SCIN: variants seen among roughly 807,000 people sequenced by gnomAD.
SCIN encodes scinderin, also known as adseverin.
Under a neutral mutation model 91.8 loss-of-function variants are expected in SCIN, and 91 were observed. That is an observed-to-expected ratio of 0.99 (90% CI 0.84 to 1.18). The LOEUF is 1.18. Ranked by LOEUF, SCIN falls within the 50% of genes most tolerant of loss-of-function variation. The pLI, the probability that SCIN is intolerant of heterozygous loss-of-function variation, is 0.00. For synonymous variants in SCIN, 367 were observed against 312.6 expected (o/e 1.17, Z -1.84); for missense variants, 1,087 against 863.9 (o/e 1.26, Z -3.24).
intron 9 of SCIN, among the ~76,000 whole-genome samples, chr7:12,630,128 G>C (rs1281688792): frequency 6.6e-6 from 1 of 151,778 alleles, no homozygotes; most frequent in African/African-American, 2.4e-5. Context: ...ATTTCTTTTT[G>C]GTGAACCTCA....
chr7:12,622,996 C>T (rs1783441590), intron 5 of SCIN, 103 bp downstream of exon 5: 1 of 665,684 alleles, frequency 1.5e-6, no homozygotes, highest in Non-Finnish European at 2.6e-6. Context: ...GAACTCTCCT[C>T]ATTGCTCTCC....
rs756901096 is a variant in SCIN at position 12,652,743 on chromosome 7, A to G, written c.*28A>G. Reference sequence around the variant, plus strand: ...TGGTATTTGTAAAAAGCAAACAAACATTACAAGGCAGTTATCTCATTGCTG... The same window carrying G: ...TGGTATTTGTAAAAAGCAAACAAACGTTACAAGGCAGTTATCTCATTGCTG... On this transcript the variant is annotated 3_prime_UTR_variant, in exon 16 of 16. Coordinates refer to ENST00000297029, the MANE Select transcript of SCIN (RefSeq NM_001112706.3). 3 of 1,590,424 alleles carry G rather than the reference A, an allele frequency of 1.9e-6. No homozygotes were observed. Among genetic ancestry groups the G allele is most frequent in the Non-Finnish European group, 8.5e-7 (1 of 1,173,280 alleles).
chr7:12,605,239 CGCAGG>C (rs908116052), intron 4 of SCIN, among the ~76,000 whole-genome samples: 1 of 151,990 alleles, frequency 6.6e-6, no homozygotes, highest in African/African-American at 2.4e-5. Flanking sequence ...TTTTGGTAGA[CGCAGG>C]GCTTCACCAT....
chr7:12,576,928 T>A (rs1287234928), intron 1 of SCIN, among the ~76,000 whole-genome samples: 1 of 152,200 alleles, frequency 6.6e-6, no homozygotes, highest in East Asian at 1.9e-4. Context: ...CATTTAAGAT[T>A]TTTATTACAG....
At chr7:12,626,493 C>T (rs1246640003) in intron 7 of SCIN, 91 bp from the exon 8 acceptor site, 33 of 1,021,744 alleles carry the variant, frequency 3.2e-5, no homozygotes, top group South Asian at 1.1e-4. Context: ...GATAATTTTC[C>T]ATTTCCTTAC....
intron 3 of SCIN, among the ~76,000 whole-genome samples, chr7:12,597,701 T>A (rs554283664): frequency 2.2e-4 from 34 of 152,246 alleles, no homozygotes; most frequent in Non-Finnish European, 4.0e-4. Flanking sequence ...TCTATAAATA[T>A]AACTTGCTTG....
At chr7:12,619,077 CCT>C (rs566537290) in intron 4 of SCIN, among the ~76,000 whole-genome samples, 3 of 152,058 alleles carry the variant, frequency 2.0e-5, no homozygotes, top group Non-Finnish European at 4.4e-5. Flanking sequence ...ACAGGTTCTG[CCT>C]CTCTCTCAGA....
In SCIN at chr7:12,657,293, T is replaced by A. The variant is rs1208841979; in HGVS notation, c.*4578T>A. The A allele has an allele frequency of 7.0e-6, 1 of 142,126 alleles. No homozygotes were observed. The highest frequency in any genetic ancestry group is 7.4e-5 in the Admixed American group (1 of 13,444). The allele number at this position is 142,126 out of a possible 1,614,324, so 8.8% of individuals were successfully genotyped here. On this transcript the variant is annotated 3_prime_UTR_variant, in exon 16 of 16. Transcript: ENST00000297029. ...GAGTACAGTAGCGATCTCTGCTCAC[T>A]GCAATCTCTGCCTCCTGGGTTCAAG...
At chr7:12,626,291 G>T in intron 7 of SCIN, 1 of 390,824 alleles carries the variant, frequency 2.6e-6, no homozygotes, top group Non-Finnish European at 4.6e-6. Flanking sequence ...CCTGCACAAG[G>T]AACACAATGA....
intron 3 of SCIN, among the ~76,000 whole-genome samples, chr7:12,603,439 G>A (rs1021396666): frequency 2.0e-4 from 30 of 151,996 alleles, no homozygotes; most frequent in Non-Finnish European, 3.8e-4. Flanking sequence ...CACCATGCCT[G>A]ACCTTAATTT....
chr7:12,599,301 C>T (rs1474945413), intron 3 of SCIN, among the ~76,000 whole-genome samples: 1 of 152,118 alleles, frequency 6.6e-6, no homozygotes, highest in East Asian at 1.9e-4. Context: ...AAAATAATCA[C>T]TTGCAAAATA....
chr7:12,657,572 A>ATTTTTT lies in SCIN; in HGVS notation c.*4878_*4883dup, dbSNP rs71030521. 12 of 22,086 alleles carry ATTTTTT rather than the reference A, an allele frequency of 5.4e-4. 1 individual carries two copies. The highest frequency in any genetic ancestry group is 4.0e-3 in the East Asian group (1 of 252). 1.4% of individuals were successfully genotyped at this position (22,086 alleles called of 1,614,324 possible). ...TATATATATATATATATATATATAT[A>ATTTTTT]TTTTTTTTTTTTTTTTTTTTTTTTT... On this transcript the variant is annotated 3_prime_UTR_variant, in exon 16 of 16. Coordinates refer to ENST00000297029, the MANE Select transcript of SCIN (RefSeq NM_001112706.3).
chr7:12,627,727 T>C (rs1272779833), intron 8 of SCIN, among the ~76,000 whole-genome samples: 1 of 152,162 alleles, frequency 6.6e-6, no homozygotes, highest in Non-Finnish European at 1.5e-5. Flanking sequence ...TATTGACTTC[T>C]GGGTCTGCAT....
chr7:12,640,945 C>G (rs1216673029), intron 11 of SCIN, among the ~76,000 whole-genome samples: 1 of 152,148 alleles, frequency 6.6e-6, no homozygotes, highest in Non-Finnish European at 1.5e-5. Flanking sequence ...GGACCAGAAC[C>G]ATAACTGAAC....
chr7:12,596,494 T>C lies in SCIN; in HGVS notation c.517-8020T>C, dbSNP rs546391286. ...CAATTTATCACTTTTAGAGAGGCAA[T>C]GTGATCATTGCTGAACCATCAACTG... On this transcript the variant is annotated intron_variant, in intron 3 of 15. Coordinates refer to ENST00000297029, the MANE Select transcript of SCIN (RefSeq NM_001112706.3). The C allele has an allele frequency of 2.0e-5, 9 of 455,764 alleles. No individual in the cohort carries two copies. In the East Asian group the frequency reaches 4.2e-4, roughly 21 times the overall value. 28.2% of individuals were successfully genotyped at this position (455,764 alleles called of 1,614,324 possible).
Position 12,654,733 on chromosome 7 carries a change from C to T in SCIN, c.*2018C>T, listed in dbSNP as rs191299125. Reference sequence around the variant, plus strand: ...CTCATCTCCAATTTATAGCACAGGCCGAGGCATATAGTAGGGTCTCAGTTA... The same window carrying T: ...CTCATCTCCAATTTATAGCACAGGCTGAGGCATATAGTAGGGTCTCAGTTA... On this transcript the variant is annotated 3_prime_UTR_variant, in exon 16 of 16. Transcript: ENST00000297029. 3.3e-5 allele frequency: 5 copies of T among 151,936 alleles called. No homozygotes were observed. The East Asian group carries it at 5.8e-4, about 18-fold the overall frequency. 9.4% of individuals were successfully genotyped at this position (151,936 alleles called of 1,614,324 possible).
At chr7:12,577,482 G>C in intron 1 of SCIN, 2 of 455,156 alleles carry the variant, frequency 4.4e-6, no homozygotes, top group East Asian at 7.0e-5. Context: ...CATTGGAATA[G>C]ATTGTTTTAT....
At chr7:12,583,133 T>A (rs1177087274) in intron 3 of SCIN, among the ~76,000 whole-genome samples, 1 of 152,172 alleles carries the variant, frequency 6.6e-6, no homozygotes, top group Non-Finnish European at 1.5e-5. Flanking sequence ...AAACTTGTTA[T>A]ATATAATGTA....
At chr7:12,652,563 T>A (rs1384841037) in intron 15 of SCIN, 25 bp from the exon 16 acceptor site, 2 of 1,608,306 alleles carry the variant, frequency 1.2e-6, no homozygotes, top group Admixed American at 3.4e-5. Flanking sequence ...TAACTGAATT[T>A]ATATGTCTTT....
Sources: allele counts gnomAD v4.1 joint callset (sites outside exome capture counted in the v4.1 genomes callset), GRCh38; gene constraint gnomAD v4.1.1; transcripts MANE v1.5; gene names NCBI Gene and HGNC (gene_info 2026-07-23, HGNC 2026-07-21).